SHISA9: variants seen among roughly 807,000 people sequenced by gnomAD.
The protein encoded by SHISA9 is protein shisa-9.
SHISA9 carries 13 observed loss-of-function variants against 38.0 expected under a neutral mutation model. That is an observed-to-expected ratio of 0.34 (90% CI 0.22 to 0.54). The LOEUF is 0.54. SHISA9 is among the 20% of genes least tolerant of loss of function. The pLI is 0.91. For synonymous variants in SHISA9, 275 were observed against 242.0 expected, an observed-to-expected ratio of 1.14 and a Z score of -1.27; for missense variants, 538 against 575.8, an observed-to-expected ratio of 0.93 and a Z score of 0.67.
intron 2 of SHISA9, among the ~76,000 whole-genome samples, chr16:13,135,279 G>A (rs2141990716): frequency 6.6e-6 from 1 of 152,304 alleles, no homozygotes; most frequent in African/African-American, 2.4e-5. Context: ...AATACCAATA[G>A]TTATCACTAG....
the SHISA9 span, among the ~76,000 whole-genome samples, chr16:13,444,329 C>T: frequency 1.3e-5 from 2 of 149,470 alleles, no homozygotes; most frequent in Admixed American, 1.3e-4. Flanking sequence ...TGAGATCACA[C>T]CACTGAACTC....
the SHISA9 span, among the ~76,000 whole-genome samples, chr16:13,502,826 A>G: frequency 5.3e-5 from 8 of 152,164 alleles, no homozygotes; most frequent in African/African-American, 1.7e-4. Flanking sequence ...GTAGTGAGCT[A>G]AGATCACGCC....
intron 2 of SHISA9, among the ~76,000 whole-genome samples, chr16:13,072,206 A>T (rs2073527295): frequency 6.6e-6 from 1 of 152,228 alleles, no homozygotes; most frequent in Admixed American, 6.5e-5. Context: ...AGTGAGGTTG[A>T]GAAGCGGTGG....
chr16:13,152,070 A>G (rs539795831), intron 2 of SHISA9, among the ~76,000 whole-genome samples: 1 of 152,240 alleles, frequency 6.6e-6, no homozygotes, highest in African/African-American at 2.4e-5. Context: ...AAAACAAAGC[A>G]GAAACCTTAT....
the SHISA9 span, among the ~76,000 whole-genome samples, chr16:13,388,071 C>A: frequency 3.3e-5 from 5 of 152,120 alleles, no homozygotes; most frequent in Admixed American, 6.5e-5. Flanking sequence ...CCTGAGACAG[C>A]CCATTCCATC....
the SHISA9 span, among the ~76,000 whole-genome samples, chr16:13,478,743 C>T: frequency 3.3e-5 from 5 of 152,160 alleles, no homozygotes; most frequent in Admixed American, 6.5e-5. Context: ...CTTTCTACAT[C>T]GGTACAGGCT....
At chr16:12,922,720 A>T (rs1366272946) in intron 2 of SHISA9, among the ~76,000 whole-genome samples, 2 of 152,086 alleles carry the variant, frequency 1.3e-5, no homozygotes, top group Non-Finnish European at 1.5e-5. Flanking sequence ...GAATGTCACC[A>T]TGTTGGCCAG....
At chr16:13,052,364 C>G (rs2073262526) in intron 2 of SHISA9, among the ~76,000 whole-genome samples, 1 of 152,082 alleles carries the variant, frequency 6.6e-6, no homozygotes, top group African/African-American at 2.4e-5. Context: ...ATATTTGGCT[C>G]TAAAGATGAT....
intron 2 of SHISA9, among the ~76,000 whole-genome samples, chr16:13,197,903 G>A (rs2142048494): frequency 6.6e-6 from 1 of 152,272 alleles, no homozygotes; most frequent in South Asian, 2.1e-4. Context: ...TATATATGCG[G>A]GCCGGGCGAG....
the SHISA9 span, among the ~76,000 whole-genome samples, chr16:13,261,228 G>A: frequency 6.6e-6 from 1 of 152,104 alleles, no homozygotes; most frequent in Non-Finnish European, 1.5e-5. Context: ...GACATACTCT[G>A]TGATTGGGAA....
intron 2 of SHISA9, among the ~76,000 whole-genome samples, chr16:12,995,776 G>C (rs570194382): frequency 1.5e-4 from 23 of 152,148 alleles, no homozygotes; most frequent in Non-Finnish European, 3.1e-4. Flanking sequence ...ATTTTAATTA[G>C]GCAGTTTTAT....
chr16:13,215,961 C>T (rs1056126292), intron 4 of SHISA9, among the ~76,000 whole-genome samples: 4 of 152,056 alleles, frequency 2.6e-5, no homozygotes, highest in Non-Finnish European at 5.9e-5. Context: ...CTGAGGTGGG[C>T]AGATCACCTG....
chr16:13,157,962 C>G (rs1248806507), intron 2 of SHISA9, among the ~76,000 whole-genome samples: 3 of 152,194 alleles, frequency 2.0e-5, no homozygotes, highest in African/African-American at 7.2e-5. Flanking sequence ...TTCTTAGCCC[C>G]TCTAACATGG....
At chr16:13,035,677 C>T (rs896875601) in intron 2 of SHISA9, among the ~76,000 whole-genome samples, 49 of 152,096 alleles carry the variant, frequency 3.2e-4, no homozygotes, top group African/African-American at 7.7e-4. Flanking sequence ...ACTATGGGTA[C>T]GCACCACCAT....
chr16:13,312,441 C>T, the SHISA9 span, among the ~76,000 whole-genome samples: 1 of 152,158 alleles, frequency 6.6e-6, no homozygotes, highest in Non-Finnish European at 1.5e-5. Flanking sequence ...CACTGAATGA[C>T]GACTGCCTTG....
At chr16:13,118,730 C>CTTTTT (rs34471353) in intron 2 of SHISA9, among the ~76,000 whole-genome samples, 2 of 130,776 alleles carry the variant, frequency 1.5e-5, no homozygotes, top group African/African-American at 2.9e-5. Context: ...TTTCTTTTTT[C>CTTTTT]TTTTTTTTTT....
At chr16:13,404,547 G>A in the SHISA9 span, among the ~76,000 whole-genome samples, 1 of 152,122 alleles carries the variant, frequency 6.6e-6, no homozygotes, top group African/African-American at 2.4e-5. Context: ...TTTATGGGAC[G>A]AAGGCTACAG....
At chr16:13,072,302 G>T (rs2073528353) in intron 2 of SHISA9, among the ~76,000 whole-genome samples, 2 of 152,230 alleles carry the variant, frequency 1.3e-5, no homozygotes, top group African/African-American at 2.4e-5. Context: ...AGTGGAGTTT[G>T]GCAACATCTG....
chr16:13,209,520 T>C (rs752066532), intron 3 of SHISA9, among the ~76,000 whole-genome samples: 4 of 152,212 alleles, frequency 2.6e-5, no homozygotes, highest in Non-Finnish European at 5.9e-5. Flanking sequence ...GATACTGTAA[T>C]GTTAGCCATC....
Sources: gnomAD v4.1 joint callset for allele counts (sites outside exome capture counted in the v4.1 genomes callset) on GRCh38, gnomAD v4.1.1 for gene constraint, MANE v1.5 for transcripts, NCBI Gene and HGNC (gene_info 2026-07-23, HGNC 2026-07-21) for gene names.